Variants in NVL observed in about 807,000 individuals in gnomAD.
The protein encoded by NVL is nuclear VCP like.
Under a neutral mutation model 110.2 loss-of-function variants are expected in NVL, and 84 were observed. That is an observed-to-expected ratio of 0.76 (90% CI 0.64 to 0.91). The LOEUF (loss-of-function observed/expected upper bound fraction) is 0.91. NVL is among the 40% of genes least tolerant of loss of function. The pLI is 0.00. For missense variants in NVL, 882 were observed against 1,035.9 expected (o/e 0.85, Z 2.04); for synonymous variants, 354 against 361.1 (o/e 0.98, Z 0.22).
At chr1:224,235,489 T>C (rs1660359588) in intron 20 of NVL, among the ~76,000 whole-genome samples, 1 of 152,068 alleles carries the variant, frequency 6.6e-6, no homozygotes, top group African/African-American at 2.4e-5. Context: ...TAAAGACTCG[T>C]ATGGATTTGA....
At chr1:224,313,173 A>G in intron 4 of NVL, 1 of 262,108 alleles carries the variant, frequency 3.8e-6, no homozygotes, top group South Asian at 3.1e-5. Context: ...AAAAAAAAAA[A>G]AAAAAAACAA....
rs185692243 is a variant in NVL at position 224,329,207 on chromosome 1, G to C, written c.57+864C>G. On this transcript the variant is annotated intron_variant, in intron 1 of 22. Coordinates refer to ENST00000281701, the MANE Select transcript of NVL (RefSeq NM_002533.4). ...ACTGCACTCTAGCCTGGGCAACAGA[G>C]CGAGACTATGTCTCAGAAAAATAAA... Among the ~76,000 whole-genome samples, 547 of 152,154 alleles carry C rather than the reference G, an allele frequency of 3.6e-3. 4 individuals are homozygous for C. The highest frequency in any genetic ancestry group is 0.012 in the African/African-American group (511 of 41,524).
chr1:224,311,907 T>G, intron 4 of NVL, 50 bp from the exon 5 acceptor site: 1 of 1,403,808 alleles, frequency 7.1e-7, no homozygotes, highest in South Asian at 1.2e-5. Flanking sequence ...TCCCATATCC[T>G]AAAAAAATGA....
chr1:224,302,869 TG>T, intron 9 of NVL: 1 of 287,260 alleles, frequency 3.5e-6, no homozygotes. Context: ...GGCAACATAG[TG>T]GGCTTCGTCT....
At chr1:224,242,833 T>G (rs990046869) in intron 19 of NVL, among the ~76,000 whole-genome samples, 7 of 151,062 alleles carry the variant, frequency 4.6e-5, no homozygotes, top group Non-Finnish European at 7.4e-5. Flanking sequence ...CTTGTTTTTT[T>G]TTTTTTTTTT....
At chr1:224,329,868 G>A (rs371869124) in intron 1 of NVL, among the ~76,000 whole-genome samples, 1 of 152,042 alleles carries the variant, frequency 6.6e-6, no homozygotes, top group Non-Finnish European at 1.5e-5. Context: ...CACCATCCCC[G>A]GCTTCTCCCT....
chr1:224,228,939 A>AAG (rs1200758326), intron 22 of NVL, among the ~76,000 whole-genome samples: 2 of 149,904 alleles, frequency 1.3e-5, no homozygotes, highest in Non-Finnish European at 3.0e-5. Flanking sequence ...AAAAAAAAAA[A>AAG]AAAAAAAGAA....
intron 2 of NVL, among the ~76,000 whole-genome samples, chr1:224,324,264 A>G (rs1411382402): frequency 6.6e-6 from 1 of 152,188 alleles, no homozygotes; most frequent in East Asian, 1.9e-4. Context: ...ACCATCATAC[A>G]TGAGGTCCAT....
At chr1:224,294,168 G>A in intron 12 of NVL, 99 bp downstream of exon 12, 1 of 1,262,476 alleles carries the variant, frequency 7.9e-7, no homozygotes, top group Non-Finnish European at 1.1e-6. Context: ...AAGAAAGAGA[G>A]AGAAAGAAAA....
At position 224,289,413 on chromosome 1, in the gene NVL, A is replaced by G. The variant is rs561197191; in HGVS notation, c.1575+71T>C. The G allele has an allele frequency of 6.6e-6, 10 of 1,509,856 alleles. No individual in the cohort carries two copies. In the South Asian group the frequency reaches 1.2e-4, roughly 19 times the overall value. The allele number at this position is 1,509,856 out of a possible 1,614,324, so 93.5% of individuals were successfully genotyped here. ...AAAGTAATGAACCTCAATTGTATTG[A>G]CCCTTGCTTCAATGTAAGATAACAC... is the stretch of plus-strand genomic sequence containing the variant. On this transcript the variant is annotated intron_variant, in intron 13 of 22. Transcript: ENST00000281701.
At chr1:224,328,734 C>G (rs190156633) in intron 1 of NVL, among the ~76,000 whole-genome samples, 144 of 152,044 alleles carry the variant, frequency 9.5e-4, no homozygotes, top group African/African-American at 3.4e-3. Context: ...AACAACAGGA[C>G]GAACGGTAGT....
intron 16 of NVL, among the ~76,000 whole-genome samples, chr1:224,276,948 GTTTTATGA>G (rs1665827000): frequency 2.4e-5 from 1 of 41,436 alleles, no homozygotes; most frequent in Non-Finnish European, 5.1e-5. Context: ...CATAAAACTA[GTTTTATGA>G]CACATAAAAC....
At chr1:224,269,108 G>C (rs1664793723) in intron 17 of NVL, among the ~76,000 whole-genome samples, 1 of 116,354 alleles carries the variant, frequency 8.6e-6, no homozygotes, top group Admixed American at 9.9e-5. Context: ...TTTTTTTTGA[G>C]ACAGGGTTTT....
In NVL at chr1:224,250,232, T is replaced by C. The variant is rs753996402; in HGVS notation, c.2269A>G (p.Ile757Val). The change falls in exon 19 of 23, where the codon ATC becomes GTC. Residue 757 changes from isoleucine to valine, a missense_variant. Ile to Val is a conservative substitution (Grantham distance 29). Around this residue, in one of 4 missense-constraint regions of NVL, gnomAD observed 126 missense variants for 140.7 expected, o/e 0.90. Transcript: ENST00000281701. Reference sequence around the variant, plus strand: ...CTCACTTTTGTGATAGTTTTTAAGATGGCAAGGCGATCTGCAGGGGGCGGT... The same window carrying C: ...CTCACTTTTGTGATAGTTTTTAAGACGGCAAGGCGATCTGCAGGGGGCGGT... ...GLPPPADRLA[I>V]LKTITKNGTK... 2 of 1,610,382 alleles carry C rather than the reference T, an allele frequency of 1.2e-6. No homozygotes were observed. Among genetic ancestry groups the C allele is most frequent in the African/African-American group, 1.3e-5 (1 of 74,732 alleles).
rs190051069 is a variant in NVL, at chr1:224,228,550, G to A, written c.2527-880C>T. Among the ~76,000 whole-genome samples the A allele has an allele frequency of 2.1e-3, 317 of 151,004 alleles. 1 individual carries two copies. Among genetic ancestry groups the A allele is most frequent in the African/African-American group, 7.2e-3 (297 of 41,276 alleles). The stretch of plus-strand genomic sequence containing the variant: ...AAACTCCTGACCTCATGATCCACCC[G>A]CCTCGGCCTCTCAAAGTGCTGGGAT... On this transcript the variant is annotated intron_variant, in intron 22 of 22. Transcript: ENST00000281701.
intron 10 of NVL, among the ~76,000 whole-genome samples, 197 bp downstream of exon 10, chr1:224,300,365 A>T (rs1668282011): frequency 6.6e-6 from 1 of 152,254 alleles, no homozygotes; most frequent in Non-Finnish European, 1.5e-5. Context: ...TCAAATGAAA[A>T]GGGTTATTTA....
chr1:224,305,156 T>A lies in NVL; in HGVS notation c.626A>T (p.Asp209Val). The A allele has an allele frequency of 6.2e-7, 1 of 1,605,116 alleles. No individual in the cohort carries two copies. Among genetic ancestry groups the A allele is most frequent in the Non-Finnish European group, 8.5e-7 (1 of 1,178,044 alleles). ...KPITEIQDSKDSSLLESDMKR... is the reference protein window; with the variant it reads ...KPITEIQDSKVSSLLESDMKR... ...CATATCACTCTCCAAAAGAGAAGAATCTTTTGAATCCTGGAAAGAAAATAA... is the reference window on the plus strand; with the variant it reads ...CATATCACTCTCCAAAAGAGAAGAAACTTTTGAATCCTGGAAAGAAAATAA... Residue 209 changes from aspartate to valine, a missense_variant, in exon 7 of 23, where the codon GAT (aspartate) becomes GTT (valine). Asp to Val is a radical substitution (Grantham distance 152, BLOSUM62 -3). This residue lies in a region of NVL where 274 missense variants were observed against 268.4 expected (regional missense o/e 1.02). Transcript: ENST00000281701.
chr1:224,236,611 T>A, intron 19 of NVL, 29 bp from the exon 20 acceptor site: 1 of 1,581,232 alleles, frequency 6.3e-7, no homozygotes, highest in Non-Finnish European at 8.7e-7. Flanking sequence ...TGATTTTTCA[T>A]TGGAGCTTTA....
At chr1:224,327,996 G>A (rs760124400) in intron 1 of NVL, among the ~76,000 whole-genome samples, 13 of 151,996 alleles carry the variant, frequency 8.6e-5, no homozygotes, top group Non-Finnish European at 1.6e-4. Flanking sequence ...GGGCTTTTCA[G>A]ACTGGGTTTT....
Sources: allele counts gnomAD v4.1 joint callset (sites outside exome capture counted in the v4.1 genomes callset), GRCh38; gene constraint gnomAD v4.1.1; regional missense constraint gnomAD v4.1.1; transcripts MANE v1.5; gene names NCBI Gene and HGNC (gene_info 2026-07-23, HGNC 2026-07-21).